The following GPM6B variants were observed in gnomAD, a reference collection of about 807,000 sequenced individuals.
The protein encoded by GPM6B is glycoprotein M6B.
A neutral mutation model predicts 27.2 loss-of-function variants in GPM6B; 4 were observed. That is an observed-to-expected ratio of 0.15 (90% confidence interval 0.07 to 0.34). GPM6B has a LOEUF of 0.34. Among genes scored for constraint, GPM6B ranks in the 10% least tolerant of loss-of-function variants. GPM6B has a pLI of 1.00. For synonymous variants in GPM6B, 124 were observed against 103.1 expected, an observed-to-expected ratio of 1.20 and a Z score of -1.23; for missense variants, 183 against 261.9, an observed-to-expected ratio of 0.70 and a Z score of 2.08.
intron 1 of GPM6B, among the ~76,000 whole-genome samples, chrX:13,902,198 G>T (rs974297704): frequency 9.0e-6 from 1 of 111,655 alleles, no homozygotes; most frequent in Non-Finnish European, 1.9e-5. Context: ...ATCCCATTTA[G>T]TAAGGTCTTT....
At chrX:13,841,550 C>T (rs1287238795) in intron 1 of GPM6B, among the ~76,000 whole-genome samples, 2 of 111,718 alleles carry the variant, frequency 1.8e-5, no homozygotes, top group East Asian at 5.6e-4. Context: ...GATTAGTCAC[C>T]AAATATACAT....
At chrX:13,854,422 G>T (rs999020984) in intron 1 of GPM6B, among the ~76,000 whole-genome samples, 6 of 111,847 alleles carry the variant, frequency 5.4e-5, no homozygotes, top group African/African-American at 1.9e-4. Flanking sequence ...TTTTGGCTTA[G>T]AACTGAGATT....
chrX:13,841,666 T>G (rs990866552), intron 1 of GPM6B, among the ~76,000 whole-genome samples: 2 of 111,494 alleles, frequency 1.8e-5, no homozygotes, highest in Non-Finnish European at 3.8e-5. Context: ...GTAATGGCAA[T>G]CTACCTGGTT....
chrX:13,800,285 A>C (rs1199503582), intron 2 of GPM6B, among the ~76,000 whole-genome samples: 2 of 112,138 alleles, frequency 1.8e-5, no homozygotes, highest in African/African-American at 6.5e-5. Flanking sequence ...ATGAGCTTGG[A>C]AGTGGATCCT....
intron 1 of GPM6B, among the ~76,000 whole-genome samples, chrX:13,825,867 G>A (rs966995823): frequency 2.7e-5 from 3 of 111,916 alleles, no homozygotes; most frequent in Admixed American, 1.9e-4. Context: ...CGGTGAAGAT[G>A]GACAGATGAT....
At chrX:13,896,344 G>A (rs929540581) in intron 1 of GPM6B, among the ~76,000 whole-genome samples, 4 of 107,950 alleles carry the variant, frequency 3.7e-5, no homozygotes, top group African/African-American at 1.4e-4. Context: ...TATGAAAGGT[G>A]TCACCCCAAG....
intron 1 of GPM6B, among the ~76,000 whole-genome samples, chrX:13,911,835 A>C (rs1184650787): frequency 8.9e-6 from 1 of 112,269 alleles, no homozygotes; most frequent in Non-Finnish European, 1.9e-5. Context: ...GACTCACAAA[A>C]TGGAGCTAAG....
intron 1 of GPM6B, among the ~76,000 whole-genome samples, chrX:13,925,518 G>C (rs1365947797): frequency 1.0e-5 from 1 of 96,647 alleles, no homozygotes; most frequent in Non-Finnish European, 2.1e-5. Flanking sequence ...GGTAGAGATG[G>C]GGTCTCGCTA....
intron 6 of GPM6B, among the ~76,000 whole-genome samples, chrX:13,776,861 G>GT (rs1308827047): frequency 8.9e-6 from 1 of 112,074 alleles, no homozygotes; most frequent in African/African-American, 3.2e-5. Context: ...AATTAGAGAA[G>GT]TAGCAAGTCA....
chrX:13,920,924 A>C (rs1920965170), intron 1 of GPM6B, among the ~76,000 whole-genome samples: 1 of 111,546 alleles, frequency 9.0e-6, no homozygotes. Context: ...GGGTAAATGA[A>C]AAAAACAGTT....
At chrX:13,799,450 C>G (rs759116569) in intron 2 of GPM6B, among the ~76,000 whole-genome samples, 2 of 106,593 alleles carry the variant, frequency 1.9e-5, no homozygotes, top group South Asian at 8.5e-4. Context: ...CCAGACTGGT[C>G]TCAAACTCCT....
At chrX:13,852,404 A>C (rs2049728561) in intron 1 of GPM6B, among the ~76,000 whole-genome samples, 1 of 111,688 alleles carries the variant, frequency 9.0e-6, no homozygotes, top group Non-Finnish European at 1.9e-5. Context: ...AAAAAAACTT[A>C]ATAGGTAATT....
intron 4 of GPM6B, chrX:13,780,969 C>G: frequency 3.1e-6 from 1 of 318,558 alleles, no homozygotes; most frequent in Non-Finnish European, 6.1e-6. Flanking sequence ...ACTGCAGAAA[C>G]GAGACACTTT....
At chrX:13,931,543 GTAAA>G (rs1474284390) in intron 1 of GPM6B, among the ~76,000 whole-genome samples, 4 of 110,595 alleles carry the variant, frequency 3.6e-5, no homozygotes, top group South Asian at 3.9e-4. Context: ...TAATAATCGA[GTAAA>G]TAAATAGACA....
intron 1 of GPM6B, among the ~76,000 whole-genome samples, chrX:13,830,025 T>C (rs1316907659): frequency 9.0e-6 from 1 of 111,153 alleles, no homozygotes; most frequent in Non-Finnish European, 1.9e-5. Context: ...TTGAAATTCT[T>C]AATCATTTTA....
intron 6 of GPM6B, 132 bp downstream of exon 6, chrX:13,777,216 CTCTA>C (rs891629567): frequency 8.2e-6 from 4 of 487,801 alleles, no homozygotes; most frequent in Admixed American, 3.2e-5. Flanking sequence ...TTACATATAG[CTCTA>C]TCTTAAAGAT....
upstream of GPM6B, chrX:13,938,555 C>T (rs1921966913): frequency 2.3e-6 from 2 of 859,989 alleles, no homozygotes; most frequent in African/African-American, 2.1e-5. Context: ...GGCGTTCGGG[C>T]TCCCCGGGGA....
At chrX:13,920,913 T>C (rs1732000440) in intron 1 of GPM6B, among the ~76,000 whole-genome samples, 1 of 109,948 alleles carries the variant, frequency 9.1e-6, no homozygotes, top group Admixed American at 9.7e-5. Flanking sequence ...AAGAAATTAA[T>C]GGGTAAATGA....
chrX:13,774,806 A>G (rs976485654), intron 7 of GPM6B, among the ~76,000 whole-genome samples: 9 of 112,130 alleles, frequency 8.0e-5, no homozygotes, highest in Admixed American at 4.7e-4. Flanking sequence ...TCACACATGT[A>G]CAATGTAAGT....
Sources: allele counts gnomAD v4.1 joint callset (sites outside exome capture counted in the v4.1 genomes callset), GRCh38; gene constraint gnomAD v4.1.1; transcripts MANE v1.5; gene names NCBI Gene and HGNC (gene_info 2026-07-23, HGNC 2026-07-21).